Variants in CSMD1 observed in about 807,000 individuals in gnomAD.
The protein encoded by CSMD1 is CUB and Sushi multiple domains 1.
A neutral mutation model predicts 417.5 loss-of-function variants in CSMD1; 213 were observed. The ratio of observed to expected loss-of-function variants is 0.51; its 90% confidence interval spans 0.46 to 0.57. The LOEUF (loss-of-function observed/expected upper bound fraction) is 0.57, where lower values mean the gene tolerates loss of function less well. Among genes scored for constraint, CSMD1 ranks in the 20% least tolerant of loss-of-function variants. The pLI is 0.00. For synonymous variants in CSMD1, 2,862 were observed against 1,736.8 expected (o/e 1.65, Z -16.11); for missense variants, 6,923 against 4,529.7 (o/e 1.53, Z -15.17).
chr8:3,083,630 A>ATATATT (rs1814279804), intron 49 of CSMD1, among the ~76,000 whole-genome samples: 1 of 27,948 alleles, frequency 3.6e-5, no homozygotes, highest in Non-Finnish European at 6.1e-5. Flanking sequence ...ATATATATAT[A>ATATATT]TATATATATA....
At position 4,417,915 on chromosome 8, in the gene CSMD1, G is replaced by C. The variant is rs377196003; in HGVS notation, c.415+2038C>G. ...TCTAAAGTTTATGTGTAAAGTATTT[G>C]GTACTTGCAATAAATATTGCTATAA... On this transcript the variant is annotated intron_variant, in intron 3 of 69. Transcript: ENST00000635120. Among the ~76,000 whole-genome samples the C allele has an allele frequency of 4.6e-5, 7 of 151,982 alleles. No homozygotes were observed. The South Asian group carries it at 1.2e-3, about 27-fold the overall frequency.
At chr8:3,717,527 T>C (rs1801910162) in intron 6 of CSMD1, among the ~76,000 whole-genome samples, 1 of 152,202 alleles carries the variant, frequency 6.6e-6, no homozygotes, top group African/African-American at 2.4e-5. Context: ...CACATGGCCA[T>C]GAAAGATTAG....
intron 17 of CSMD1, among the ~76,000 whole-genome samples, chr8:3,392,666 G>A (rs927504473): frequency 2.0e-5 from 3 of 152,048 alleles, no homozygotes; most frequent in Admixed American, 6.5e-5. Context: ...TCAGGATTCT[G>A]ATTTTCATCA....
At chr8:4,917,695 G>C (rs552174165) in intron 1 of CSMD1, among the ~76,000 whole-genome samples, 2 of 152,166 alleles carry the variant, frequency 1.3e-5, no homozygotes, top group East Asian at 1.9e-4. Context: ...TGGGGGCATA[G>C]AGACAAACCG....
intron 5 of CSMD1, among the ~76,000 whole-genome samples, chr8:3,886,614 C>T (rs1309857623): frequency 6.6e-6 from 1 of 152,112 alleles, no homozygotes; most frequent in Non-Finnish European, 1.5e-5. Context: ...TCAGATTTGG[C>T]CCATAGGCTG....
At chr8:3,746,178 G>A (rs990588648) in intron 6 of CSMD1, among the ~76,000 whole-genome samples, 4 of 152,230 alleles carry the variant, frequency 2.6e-5, no homozygotes, top group Admixed American at 1.3e-4. Context: ...CTGATACGCT[G>A]AAAAGAATAG....
At chr8:3,405,785 C>T (rs943674634) in intron 15 of CSMD1, among the ~76,000 whole-genome samples, 2 of 152,256 alleles carry the variant, frequency 1.3e-5, no homozygotes, top group South Asian at 2.1e-4. Flanking sequence ...AGCTGGAGGA[C>T]CAGCCTGAGG....
intron 6 of CSMD1, among the ~76,000 whole-genome samples, chr8:3,749,415 C>A (rs1256006230): frequency 1.3e-5 from 2 of 152,074 alleles, no homozygotes; most frequent in Non-Finnish European, 2.9e-5. Context: ...ACTTGTCAAG[C>A]AACCTTACTA....
In CSMD1 at chr8:3,706,108, C is replaced by T. The variant is rs535775187; in HGVS notation, c.1009+2306G>A. Among the ~76,000 whole-genome samples the T allele has an allele frequency of 2.0e-5, 3 of 152,362 alleles. No individual in the cohort carries two copies. In the East Asian group the frequency reaches 5.8e-4, roughly 29 times the overall value. On this transcript the variant is annotated intron_variant, in intron 7 of 69. Transcript: ENST00000635120. ...CCTGGCCTGTGCCTACCTCCCCTAC[C>T]GTTCGCCCCGTGTGGTTCACTTCCC...
intron 2 of CSMD1, among the ~76,000 whole-genome samples, chr8:4,458,369 A>G (rs888668223): frequency 7.2e-5 from 11 of 152,188 alleles, no homozygotes; most frequent in African/African-American, 2.7e-4. Flanking sequence ...AATGAAATTA[A>G]TTTATAAACC....
At chr8:3,794,488 C>T (rs913562513) in intron 5 of CSMD1, among the ~76,000 whole-genome samples, 1 of 152,108 alleles carries the variant, frequency 6.6e-6, no homozygotes, top group Non-Finnish European at 1.5e-5. Flanking sequence ...TTTTTCATAG[C>T]TACTCTCTGC....
At chr8:3,213,545 C>T (rs184722511) in intron 30 of CSMD1, among the ~76,000 whole-genome samples, 3 of 151,996 alleles carry the variant, frequency 2.0e-5, no homozygotes, top group Admixed American at 6.6e-5. Context: ...GCTGATTCAA[C>T]GATTTTACTA....
intron 2 of CSMD1, among the ~76,000 whole-genome samples, chr8:4,502,337 A>C (rs1802301858): frequency 6.6e-6 from 1 of 152,142 alleles, no homozygotes; most frequent in South Asian, 2.1e-4. Flanking sequence ...CATAGATACA[A>C]TGGCAATTCT....
intron 10 of CSMD1, among the ~76,000 whole-genome samples, chr8:3,494,714 T>G (rs1796295139): frequency 6.7e-6 from 1 of 149,628 alleles, no homozygotes; most frequent in African/African-American, 2.5e-5. Flanking sequence ...GAGAGAGATG[T>G]AACAAGAGAG....
intron 3 of CSMD1, among the ~76,000 whole-genome samples, chr8:4,114,810 A>C (rs1459066783): frequency 1.3e-5 from 2 of 152,230 alleles, no homozygotes; most frequent in Non-Finnish European, 2.9e-5. Flanking sequence ...AGAAATAGCG[A>C]GAGGTAAAAT....
intron 2 of CSMD1, among the ~76,000 whole-genome samples, chr8:4,563,873 A>C: frequency 6.6e-6 from 1 of 152,166 alleles, no homozygotes; most frequent in East Asian, 1.9e-4. Context: ...TGGAGTTGCG[A>C]AGTAACAAAA....
chr8:4,434,910 G>A (rs569311511), intron 2 of CSMD1, among the ~76,000 whole-genome samples: 14 of 152,248 alleles, frequency 9.2e-5, no homozygotes, highest in African/African-American at 3.4e-4. Context: ...GTCAGCACAT[G>A]ACTCTGCATG....
At chr8:3,485,613 A>G (rs1048691546) in intron 11 of CSMD1, among the ~76,000 whole-genome samples, 2 of 151,504 alleles carry the variant, frequency 1.3e-5, no homozygotes, top group Non-Finnish European at 2.9e-5. Flanking sequence ...AAATTAAATG[A>G]GCTGGGTGTG....
At chr8:3,957,481 C>A (rs1435149120) in intron 5 of CSMD1, among the ~76,000 whole-genome samples, 3 of 151,920 alleles carry the variant, frequency 2.0e-5, no homozygotes, top group Non-Finnish European at 2.9e-5. Flanking sequence ...AGTATTGGAC[C>A]ATGTGGGCAA....
Sources: allele counts gnomAD v4.1 joint callset (sites outside exome capture counted in the v4.1 genomes callset), GRCh38; gene constraint gnomAD v4.1.1; transcripts MANE v1.5; gene names NCBI Gene and HGNC (gene_info 2026-07-23, HGNC 2026-07-21).